The following VPS53 variants were observed in gnomAD, a reference collection of about 807,000 sequenced individuals.
VPS53 encodes the protein vacuolar protein sorting-associated protein 53 homolog.
VPS53 carries 70 observed loss-of-function variants against 107.0 expected under a neutral mutation model. That is an observed-to-expected ratio of 0.65 (90% CI 0.54 to 0.80). The LOEUF is 0.80. Among genes scored for constraint, VPS53 ranks in the 30% least tolerant of loss-of-function variants. The probability of loss-of-function intolerance (pLI) is 0.00; values close to 1 mark genes in which losing one functional copy is unlikely to be tolerated. For missense variants in VPS53, 917 were observed against 1,049.4 expected (o/e 0.87, Z 1.74); for synonymous variants, 409 against 393.3 (o/e 1.04, Z -0.47).
chr17:630,105 C>A (rs891935577), intron 8 of VPS53, among the ~76,000 whole-genome samples: 19 of 151,914 alleles, frequency 1.3e-4, no homozygotes, highest in Admixed American at 5.9e-4. Context: ...ACCATCCTGG[C>A]CAACATGGAG....
chr17:682,137 C>T (rs533780314), intron 4 of VPS53, among the ~76,000 whole-genome samples: 1 of 152,240 alleles, frequency 6.6e-6, no homozygotes, highest in Non-Finnish European at 1.5e-5. Context: ...ACTTTAAACA[C>T]AGCAGCCCTT....
At chr17:692,763 G>A (rs980648516) in intron 4 of VPS53, among the ~76,000 whole-genome samples, 1 of 152,198 alleles carries the variant, frequency 6.6e-6, no homozygotes, top group African/African-American at 2.4e-5. Context: ...AGCACTTTGG[G>A]AGGCCGAGGC....
At position 661,907 on chromosome 17, in the gene VPS53, G is replaced by A. The variant is rs911150240; in HGVS notation, c.286-12C>T. 6.5e-7 allele frequency: 1 copy of A among 1,549,192 alleles called. No homozygotes were observed. The highest frequency in any genetic ancestry group is 2.4e-5 in the East Asian group (1 of 40,882). On this transcript the variant is annotated splice_polypyrimidine_tract_variant and intron_variant, in intron 4 of 21. Coordinates refer to ENST00000437048, the MANE Select transcript of VPS53 (RefSeq NM_001128159.3). ...GCCTCTTCAAGCGCCTAGAGTAAGG[G>A]AAATACATGAAAAACAAAAAGTGGC... is the stretch of plus-strand genomic sequence containing the variant.
chr17:590,041 C>T (rs946516479), intron 12 of VPS53, among the ~76,000 whole-genome samples: 4 of 152,136 alleles, frequency 2.6e-5, no homozygotes, highest in Non-Finnish European at 5.9e-5. Flanking sequence ...TTTGTATCCT[C>T]TTTTATTTCA....
At chr17:638,018 T>G (rs1403893590) in intron 7 of VPS53, among the ~76,000 whole-genome samples, 1 of 152,234 alleles carries the variant, frequency 6.6e-6, no homozygotes, top group African/African-American at 2.4e-5. Context: ...CAGTGGGGTG[T>G]TAAAGTCTCC....
At chr17:577,779 T>C (rs1234271888) in intron 13 of VPS53, among the ~76,000 whole-genome samples, 113 of 118,948 alleles carry the variant, frequency 9.5e-4, no homozygotes, top group Middle Eastern at 0.014. Flanking sequence ...CCCTCAGAAT[T>C]TAATGCGTTC....
intron 13 of VPS53, among the ~76,000 whole-genome samples, chr17:564,053 C>G (rs1444343617): frequency 6.6e-6 from 1 of 151,644 alleles, no homozygotes; most frequent in Non-Finnish European, 1.5e-5. Context: ...AGTTCGAGAC[C>G]AGCCTGGCCA....
At chr17:642,013 G>A (rs1158930737) in intron 7 of VPS53, among the ~76,000 whole-genome samples, 1 of 152,174 alleles carries the variant, frequency 6.6e-6, no homozygotes, top group East Asian at 1.9e-4. Flanking sequence ...TTTTCGTAAG[G>A]GGGAGTCACA....
intron 4 of VPS53, among the ~76,000 whole-genome samples, chr17:688,176 T>C (rs1972658557): frequency 6.6e-6 from 1 of 152,196 alleles, no homozygotes; most frequent in African/African-American, 2.4e-5. Context: ...CCCAAATCCC[T>C]ACATGTCATA....
intron 19 of VPS53, among the ~76,000 whole-genome samples, chr17:525,662 C>T (rs749074390): frequency 7.9e-5 from 12 of 151,652 alleles, no homozygotes; most frequent in African/African-American, 2.4e-4. Context: ...CCATTGCACC[C>T]CAGCCTGGGA....
intron 11 of VPS53, among the ~76,000 whole-genome samples, chr17:623,179 C>T (rs892768702): frequency 1.3e-5 from 2 of 151,886 alleles, no homozygotes; most frequent in East Asian, 1.9e-4. Context: ...AAAGGTAAAC[C>T]CTAAAGTAAA....
intron 18 of VPS53, among the ~76,000 whole-genome samples, chr17:533,596 C>A (rs1909774385): frequency 6.6e-6 from 1 of 152,216 alleles, no homozygotes; most frequent in Non-Finnish European, 1.5e-5. Context: ...CCTCTCAGAT[C>A]CTGTTCAACG....
intron 2 of VPS53, among the ~76,000 whole-genome samples, chr17:707,200 T>C (rs1323472548): frequency 6.6e-6 from 1 of 152,208 alleles, no homozygotes; most frequent in East Asian, 1.9e-4. Context: ...ATTCTGGGGA[T>C]ACAGGCTTAA....
intron 13 of VPS53, among the ~76,000 whole-genome samples, chr17:575,568 G>C (rs1374274447): frequency 6.6e-6 from 1 of 151,500 alleles, no homozygotes; most frequent in Non-Finnish European, 1.5e-5. Flanking sequence ...AGAACCTAAT[G>C]CGTTCCCAGA....
intron 2 of VPS53, among the ~76,000 whole-genome samples, chr17:706,754 T>C (rs566713480): frequency 6.6e-6 from 1 of 152,292 alleles, no homozygotes; most frequent in South Asian, 2.1e-4. Context: ...GGATTCTCCA[T>C]GACCCTCTAC....
At chr17:584,555 G>A (rs929665918) in intron 13 of VPS53, among the ~76,000 whole-genome samples, 9 of 152,182 alleles carry the variant, frequency 5.9e-5, no homozygotes, top group Admixed American at 4.6e-4. Context: ...CTTTTGAGAC[G>A]AAGTCTCTGT....
intron 19 of VPS53, among the ~76,000 whole-genome samples, chr17:530,536 C>T (rs896787162): frequency 4.6e-5 from 7 of 152,252 alleles, no homozygotes; most frequent in Non-Finnish European, 7.4e-5. Context: ...AAAATGACAG[C>T]TTAGTTTCCT....
chr17:685,820 G>T (rs553916442), intron 4 of VPS53, among the ~76,000 whole-genome samples: 7 of 151,842 alleles, frequency 4.6e-5, no homozygotes, highest in Non-Finnish European at 1.0e-4. Flanking sequence ...AGCAATAAAG[G>T]AACACCCCAT....
intron 13 of VPS53, among the ~76,000 whole-genome samples, chr17:572,386 G>A (rs1035239675): frequency 9.1e-5 from 11 of 120,264 alleles, no homozygotes; most frequent in South Asian, 2.8e-4. Context: ...TCTCCGCCGG[G>A]CAGCCACCCC....
Sources: gnomAD v4.1 joint callset for allele counts (sites outside exome capture counted in the v4.1 genomes callset) on GRCh38, gnomAD v4.1.1 for gene constraint, MANE v1.5 for transcripts, NCBI Gene and HGNC (gene_info 2026-07-23, HGNC 2026-07-21) for gene names.